SDK1: variants seen among roughly 807,000 people sequenced by gnomAD.
SDK1 encodes the protein sidekick cell adhesion molecule 1.
A neutral mutation model predicts 245.5 loss-of-function variants in SDK1; 157 were observed. The ratio of observed to expected loss-of-function variants is 0.64; its 90% CI spans 0.56 to 0.73. The LOEUF is 0.73. Among genes scored for constraint, SDK1 ranks in the 30% least tolerant of loss-of-function variants. SDK1 has a pLI of 0.00. For missense variants in SDK1, 3,583 were observed against 3,002.3 expected (o/e 1.19, Z -4.52); for synonymous variants, 1,647 against 1,278.5 (o/e 1.29, Z -6.15).
intron 1 of SDK1, among the ~76,000 whole-genome samples, chr7:3,600,191 G>A (rs1404782023): frequency 2.0e-5 from 3 of 152,098 alleles, no homozygotes; most frequent in Non-Finnish European, 4.4e-5. Flanking sequence ...GATTGTAAAT[G>A]GTATTATGTG....
At chr7:4,123,911 G>A (rs536775724) in intron 25 of SDK1, among the ~76,000 whole-genome samples, 3 of 152,330 alleles carry the variant, frequency 2.0e-5, no homozygotes, top group South Asian at 2.1e-4. Flanking sequence ...TCAGGATCAG[G>A]GAGCGTGCCC....
chr7:3,631,065 T>C (rs780600525), intron 2 of SDK1, among the ~76,000 whole-genome samples: 5 of 152,042 alleles, frequency 3.3e-5, no homozygotes, highest in Non-Finnish European at 5.9e-5. Context: ...CCCAAGTAGC[T>C]TGGGACTACA....
intron 5 of SDK1, among the ~76,000 whole-genome samples, chr7:3,837,403 A>G (rs780422473): frequency 1.2e-4 from 19 of 152,322 alleles, no homozygotes; most frequent in Middle Eastern, 3.4e-3. Context: ...CAGTCTGTGC[A>G]TTCTCCTAAG....
chr7:3,757,206 G>T (rs1207943648), intron 4 of SDK1, among the ~76,000 whole-genome samples: 1 of 152,042 alleles, frequency 6.6e-6, no homozygotes, highest in East Asian at 1.9e-4. Flanking sequence ...TTGAATCGGG[G>T]TTCCCAAAAC....
chr7:4,029,527 C>CTCAT (rs58325112), intron 17 of SDK1, among the ~76,000 whole-genome samples: 2,293 of 152,074 alleles, frequency 0.015, 36 homozygotes, highest in African/African-American at 0.045. Flanking sequence ...CTTTCATTCA[C>CTCAT]TCATTCATTC....
chr7:4,225,515 G>C (rs936864596), intron 40 of SDK1, among the ~76,000 whole-genome samples: 6 of 152,160 alleles, frequency 3.9e-5, no homozygotes, highest in African/African-American at 1.4e-4. Context: ...ATAAGGCATT[G>C]GTTCTCAGGC....
intron 1 of SDK1, among the ~76,000 whole-genome samples, chr7:3,521,014 A>C (rs1042992592): frequency 6.6e-6 from 1 of 152,146 alleles, no homozygotes; most frequent in Non-Finnish European, 1.5e-5. Flanking sequence ...AGGGCTGTCT[A>C]TGTTCCTTTC....
chr7:3,784,413 A>G (rs1331343736), intron 4 of SDK1, among the ~76,000 whole-genome samples: 1 of 152,156 alleles, frequency 6.6e-6, no homozygotes, highest in African/African-American at 2.4e-5. Flanking sequence ...ATGAGAAACT[A>G]TAAAACTAAT....
At chr7:3,316,842 A>G (rs1262178523) in intron 1 of SDK1, among the ~76,000 whole-genome samples, 1 of 152,092 alleles carries the variant, frequency 6.6e-6, no homozygotes, top group Non-Finnish European at 1.5e-5. Flanking sequence ...CTTAAACTAG[A>G]CAGAATTGGT....
chr7:4,182,022 C>A (rs1562400691), intron 35 of SDK1, among the ~76,000 whole-genome samples: 1 of 152,186 alleles, frequency 6.6e-6, no homozygotes, highest in Non-Finnish European at 1.5e-5. Context: ...CAGGTTCAAG[C>A]AATTCTCCTG....
At chr7:3,381,200 C>G (rs1781478906) in intron 1 of SDK1, among the ~76,000 whole-genome samples, 1 of 152,026 alleles carries the variant, frequency 6.6e-6, no homozygotes, top group African/African-American at 2.4e-5. Flanking sequence ...TAGGTATTCT[C>G]AAAGGGAACC....
chr7:3,935,590 G>GT (rs1780129069), intron 5 of SDK1, among the ~76,000 whole-genome samples: 3 of 152,154 alleles, frequency 2.0e-5, no homozygotes. Flanking sequence ...TTTCTCCAAA[G>GT]AAGAGATACA....
chr7:3,503,449 C>G (rs1332974674), intron 1 of SDK1, among the ~76,000 whole-genome samples: 3 of 152,064 alleles, frequency 2.0e-5, no homozygotes, highest in Admixed American at 6.5e-5. Flanking sequence ...TGAGGCCAAG[C>G]AGGAGGATTG....
intron 5 of SDK1, among the ~76,000 whole-genome samples, chr7:3,830,362 C>T (rs1779883538): frequency 6.6e-6 from 1 of 152,174 alleles, no homozygotes; most frequent in Non-Finnish European, 1.5e-5. Flanking sequence ...TTAGTAATTC[C>T]TCCAATCTAC....
rs369345339 is a variant in SDK1, at chr7:3,716,778, AAAAAAG to A, written c.713+74680_713+74685del. Among the ~76,000 whole-genome samples, 194 of 152,010 alleles carry A rather than the reference AAAAAAG, an allele frequency of 1.3e-3. 2 individuals are homozygous for A. The highest frequency in any genetic ancestry group is 4.5e-3 in the African/African-American group (188 of 41,486). The stretch of plus-strand genomic sequence containing the variant: ...TGTCTCACCAAAAAAAAAGAAAAAA[AAAAAAG>A]AAAAAGGAAAAATCAAACTAAGGAA... On this transcript the variant is annotated intron_variant, in intron 4 of 44. Transcript: ENST00000404826.
At chr7:4,253,576 T>A (rs1787445834) in intron 44 of SDK1, among the ~76,000 whole-genome samples, 1 of 152,194 alleles carries the variant, frequency 6.6e-6, no homozygotes, top group African/African-American at 2.4e-5. Context: ...GGAGAATGTT[T>A]CCTATCCACT....
chr7:3,621,129 C>G (rs768853636), intron 2 of SDK1, among the ~76,000 whole-genome samples: 3 of 152,036 alleles, frequency 2.0e-5, no homozygotes, highest in Admixed American at 6.6e-5. Flanking sequence ...ATTGAAGGCT[C>G]TAGTGATCGT....
chr7:4,129,593 G>A (rs1372791297), intron 26 of SDK1: 6 of 1,038,200 alleles, frequency 5.8e-6, no homozygotes, highest in Non-Finnish European at 7.5e-6. Flanking sequence ...GTTCATAATC[G>A]AGTCTTTGTT....
At chr7:3,574,962 A>C (rs374071543) in intron 1 of SDK1, among the ~76,000 whole-genome samples, 153 of 152,148 alleles carry the variant, frequency 1.0e-3, no homozygotes, top group African/African-American at 3.4e-3. Flanking sequence ...AAGTACGGGT[A>C]GTCATGTCTG....
Sources: gnomAD v4.1 joint callset for allele counts (sites outside exome capture counted in the v4.1 genomes callset) on GRCh38, gnomAD v4.1.1 for gene constraint, MANE v1.5 for transcripts, NCBI Gene and HGNC (gene_info 2026-07-23, HGNC 2026-07-21) for gene names.